Variants in RPS6KC1 observed in about 807,000 individuals in gnomAD.
The protein encoded by RPS6KC1 is inactive ribosomal protein S6 kinase delta-1.
Under a neutral mutation model 103.8 loss-of-function variants are expected in RPS6KC1, and 54 were observed. That is an observed-to-expected ratio of 0.52 (90% CI 0.42 to 0.65). The LOEUF (loss-of-function observed/expected upper bound fraction) is 0.65, where lower values mean the gene tolerates loss of function less well. RPS6KC1 is among the 30% of genes least tolerant of loss of function. RPS6KC1 has a pLI of 0.00. For missense variants in RPS6KC1, 1,151 were observed against 1,253.8 expected, an observed-to-expected ratio of 0.92 and a Z score of 1.24; for synonymous variants, 439 against 438.7, an observed-to-expected ratio of 1.00 and a Z score of -0.01.
At position 213,214,871 on chromosome 1, in the gene RPS6KC1, A is replaced by G. The variant is rs6659293; in HGVS notation, c.1045-15626A>G. On this transcript the variant is annotated intron_variant, in intron 8 of 14. Transcript: ENST00000366960. ...GAAAGGACGTCGACACCAAAACCCC[A>G]TCTGTACATCACCATCATCACAGAC... is the stretch of plus-strand genomic sequence containing the variant. Among the ~76,000 whole-genome samples, 294 of 152,272 alleles carry G rather than the reference A, an allele frequency of 1.9e-3. 1 individual carries two copies. Among genetic ancestry groups the G allele is most frequent in the African/African-American group, 6.8e-3 (283 of 41,550 alleles).
chr1:213,695,765 G>C, the RPS6KC1 span, among the ~76,000 whole-genome samples: 2 of 152,064 alleles, frequency 1.3e-5, no homozygotes, highest in African/African-American at 4.8e-5. Context: ...TGCCCTATAG[G>C]TCTATCTAGG....
At chr1:213,297,065 C>T in the RPS6KC1 span, among the ~76,000 whole-genome samples, 2 of 152,150 alleles carry the variant, frequency 1.3e-5, no homozygotes, top group Admixed American at 6.5e-5. Context: ...CCAACCAAAG[C>T]AGTAGGGAGA....
chr1:213,319,238 G>T, the RPS6KC1 span, among the ~76,000 whole-genome samples: 1 of 151,418 alleles, frequency 6.6e-6, no homozygotes, highest in Non-Finnish European at 1.5e-5. Context: ...GCTTGAACCC[G>T]GGAGGTGGAG....
intron 12 of RPS6KC1, among the ~76,000 whole-genome samples, chr1:213,260,004 G>T (rs2094746361): frequency 6.6e-6 from 1 of 152,150 alleles, no homozygotes; most frequent in Non-Finnish European, 1.5e-5. Flanking sequence ...CTCCCAAAGT[G>T]CTGGGATTAT....
chr1:213,766,209 G>A, the RPS6KC1 span, among the ~76,000 whole-genome samples: 1 of 152,300 alleles, frequency 6.6e-6, no homozygotes, highest in East Asian at 1.9e-4. Context: ...ACCAAGGCTT[G>A]TTTAACGTTT....
the RPS6KC1 span, among the ~76,000 whole-genome samples, chr1:213,404,345 G>T: frequency 6.6e-6 from 1 of 152,206 alleles, no homozygotes; most frequent in Non-Finnish European, 1.5e-5. Context: ...CCAGGTAGAG[G>T]GGACCTAGCG....
At chr1:213,360,390 C>T in the RPS6KC1 span, among the ~76,000 whole-genome samples, 8 of 152,276 alleles carry the variant, frequency 5.3e-5, no homozygotes, top group African/African-American at 1.9e-4. Context: ...GTTCTCATGC[C>T]ATGGTTTTCA....
intron 6 of RPS6KC1, among the ~76,000 whole-genome samples, chr1:213,155,086 A>G (rs1351168887): frequency 6.6e-6 from 1 of 152,172 alleles, no homozygotes; most frequent in African/African-American, 2.4e-5. Flanking sequence ...CACAACTCTG[A>G]CCAGTGCCCT....
chr1:213,431,158 A>G, the RPS6KC1 span, among the ~76,000 whole-genome samples: 1 of 152,170 alleles, frequency 6.6e-6, no homozygotes, highest in African/African-American at 2.4e-5. Flanking sequence ...GAGAGATGAC[A>G]GGTGGGGAGA....
At position 213,242,000 on chromosome 1, in the gene RPS6KC1, G is replaced by C; in HGVS notation, c.2524G>C (p.Glu842Gln). The C allele has an allele frequency of 6.2e-7, 1 of 1,613,938 alleles. No individual in the cohort carries two copies. The highest frequency in any genetic ancestry group is 2.2e-5 in the East Asian group (1 of 44,884). ...AAGCACAGACACTTTAAAAACAGAA[G>C]AAGTATTGCTGTTTACAGATCAGAC... ...IASTDTLKTE[E>Q]VLLFTDQTDD... The change falls in exon 11 of 15, where the codon GAA (glutamate) becomes CAA (glutamine). Residue 842 changes from glutamate to glutamine, a missense_variant. This residue lies in a region of RPS6KC1 where 959 missense variants were observed against 1,006.3 expected (regional missense o/e 0.95). Transcript: ENST00000366960.
chr1:213,720,554 A>G, the RPS6KC1 span, among the ~76,000 whole-genome samples: 1 of 152,220 alleles, frequency 6.6e-6, no homozygotes, highest in East Asian at 1.9e-4. Context: ...AGAGATAGAT[A>G]GGGTTCCTAC....
At chr1:213,522,705 G>A in the RPS6KC1 span, among the ~76,000 whole-genome samples, 2 of 152,180 alleles carry the variant, frequency 1.3e-5, no homozygotes, top group Non-Finnish European at 2.9e-5. Flanking sequence ...TTATGGAGAT[G>A]GCTGCTAGCT....
chr1:213,239,731 C>T (rs1340911195), intron 10 of RPS6KC1, among the ~76,000 whole-genome samples: 1 of 152,102 alleles, frequency 6.6e-6, no homozygotes, highest in Non-Finnish European at 1.5e-5. Flanking sequence ...AACTACAATT[C>T]TGTCTCCGCA....
the RPS6KC1 span, among the ~76,000 whole-genome samples, chr1:213,279,980 C>T: frequency 6.6e-6 from 1 of 152,294 alleles, no homozygotes; most frequent in East Asian, 1.9e-4. Flanking sequence ...AGTTTGGGAG[C>T]TACTGGCTTT....
the RPS6KC1 span, among the ~76,000 whole-genome samples, chr1:213,492,041 T>A: frequency 2.6e-5 from 4 of 152,076 alleles, no homozygotes; most frequent in African/African-American, 9.7e-5. Flanking sequence ...GTGGGCTCCC[T>A]CCCCCGTATG....
chr1:213,816,658 C>T, the RPS6KC1 span, among the ~76,000 whole-genome samples: 1 of 152,232 alleles, frequency 6.6e-6, no homozygotes, highest in South Asian at 2.1e-4. Context: ...TCACCAGCCC[C>T]CTGTTCCTGG....
chr1:213,578,972 C>G, the RPS6KC1 span, among the ~76,000 whole-genome samples: 25 of 152,118 alleles, frequency 1.6e-4, no homozygotes, highest in Admixed American at 9.8e-4. Flanking sequence ...TGGCTGTGTT[C>G]CTACACAAAT....
the RPS6KC1 span, among the ~76,000 whole-genome samples, chr1:213,390,816 C>A: frequency 2.0e-5 from 3 of 152,122 alleles, no homozygotes; most frequent in Middle Eastern, 3.2e-3. Context: ...AGACCTAGAG[C>A]AAAGCTGGAT....
chr1:213,403,310 A>G, the RPS6KC1 span, among the ~76,000 whole-genome samples: 58 of 152,070 alleles, frequency 3.8e-4, no homozygotes, highest in Non-Finnish European at 6.0e-4. Context: ...CAGAGGGAAG[A>G]AAGTGGGTGA....
Sources: gnomAD v4.1 joint callset for allele counts (sites outside exome capture counted in the v4.1 genomes callset) on GRCh38, gnomAD v4.1.1 for gene constraint, gnomAD v4.1.1 regional missense constraint, MANE v1.5 for transcripts, NCBI Gene and HGNC (gene_info 2026-07-23, HGNC 2026-07-21) for gene names.